The following PDE4D variants were observed in gnomAD, a reference collection of about 807,000 sequenced individuals.
PDE4D encodes 3',5'-cyclic-AMP phosphodiesterase 4D.
Under a neutral mutation model 87.4 loss-of-function variants are expected in PDE4D, and 24 were observed. That is an observed-to-expected ratio of 0.27 (90% confidence interval 0.20 to 0.39). PDE4D has a LOEUF of 0.39. Among genes scored for constraint, PDE4D ranks in the 10% least tolerant of loss-of-function variants. The pLI is 1.00. For synonymous variants in PDE4D, 384 were observed against 383.2 expected, an observed-to-expected ratio of 1.00 and a Z score of -0.02; for missense variants, 714 against 1,041.0, an observed-to-expected ratio of 0.69 and a Z score of 4.32.
intron 1 of PDE4D, among the ~76,000 whole-genome samples, chr5:59,527,003 A>C (rs1813272542): frequency 6.6e-6 from 1 of 152,080 alleles, no homozygotes; most frequent in Non-Finnish European, 1.5e-5. Context: ...TTAATTTTTG[A>C]CTATTACAAA....
intron 5 of PDE4D, among the ~76,000 whole-genome samples, chr5:59,089,299 T>C (rs1031171477): frequency 5.1e-5 from 1 of 19,568 alleles, no homozygotes; most frequent in African/African-American, 7.1e-4. Context: ...ACTGATTTCA[T>C]TCAAGATAAG....
At chr5:59,512,808 C>T (rs934744784) in intron 1 of PDE4D, among the ~76,000 whole-genome samples, 1 of 151,992 alleles carries the variant, frequency 6.6e-6, no homozygotes, top group Non-Finnish European at 1.5e-5. Flanking sequence ...AATCTTATCA[C>T]AGAATAGCAA....
At chr5:59,803,558 G>A (rs370408707) in intron 1 of PDE4D, among the ~76,000 whole-genome samples, 54 of 152,074 alleles carry the variant, frequency 3.6e-4, no homozygotes, top group African/African-American at 1.2e-3. Flanking sequence ...CTTGGCCTCC[G>A]AAAGTGCTGG....
At chr5:59,714,520 C>A (rs1377896210) in intron 1 of PDE4D, among the ~76,000 whole-genome samples, 1 of 152,218 alleles carries the variant, frequency 6.6e-6, no homozygotes, top group East Asian at 1.9e-4. Context: ...AACACCAGCG[C>A]TGATATATTC....
intron 6 of PDE4D, among the ~76,000 whole-genome samples, chr5:59,021,518 A>G (rs1580344068): frequency 6.6e-6 from 1 of 152,096 alleles, no homozygotes; most frequent in East Asian, 1.9e-4. Context: ...TCCATTCCTC[A>G]TCCCTCCTAA....
At chr5:59,078,077 CTCCT>C (rs1399822503) in intron 5 of PDE4D, among the ~76,000 whole-genome samples, 1 of 152,118 alleles carries the variant, frequency 6.6e-6, no homozygotes, top group Non-Finnish European at 1.5e-5. Flanking sequence ...ATCCATCTCC[CTCCT>C]TGTTGTTTCT....
At chr5:59,535,066 T>G (rs1307470331) in intron 1 of PDE4D, among the ~76,000 whole-genome samples, 1 of 79,410 alleles carries the variant, frequency 1.3e-5, no homozygotes, top group Non-Finnish European at 2.8e-5. Flanking sequence ...GATTGGTGTG[T>G]GTGTGTGTGT....
At chr5:60,248,321 T>G (rs1251285300) in intron 1 of PDE4D, among the ~76,000 whole-genome samples, 1 of 151,936 alleles carries the variant, frequency 6.6e-6, no homozygotes, top group East Asian at 1.9e-4. Context: ...CAGAGGGACC[T>G]GAAGGGAGCG....
chr5:59,713,154 C>T (rs536836653), intron 1 of PDE4D, among the ~76,000 whole-genome samples: 2 of 152,240 alleles, frequency 1.3e-5, no homozygotes, highest in South Asian at 4.1e-4. Flanking sequence ...AGAAGATAGG[C>T]AACTTTGCTA....
intron 1 of PDE4D, among the ~76,000 whole-genome samples, chr5:59,339,075 T>C (rs1778250839): frequency 6.6e-6 from 1 of 152,164 alleles, no homozygotes; most frequent in African/African-American, 2.4e-5. Flanking sequence ...GAACTGTAGC[T>C]TCAACTAGAA....
intron 5 of PDE4D, among the ~76,000 whole-genome samples, chr5:59,152,923 G>A (rs1293569406): frequency 2.0e-5 from 3 of 152,054 alleles, no homozygotes; most frequent in Non-Finnish European, 4.4e-5. Context: ...AAAGCACTGT[G>A]GAGTTGTTCT....
chr5:60,053,269 C>A (rs1770401413), intron 2 of PDE4D, among the ~76,000 whole-genome samples: 1 of 152,188 alleles, frequency 6.6e-6, no homozygotes, highest in Non-Finnish European at 1.5e-5. Flanking sequence ...CTGGAGGCAT[C>A]ATGCTACCTG....
chr5:59,814,095 T>C (rs539194833), intron 1 of PDE4D, among the ~76,000 whole-genome samples: 2 of 152,330 alleles, frequency 1.3e-5, no homozygotes, highest in African/African-American at 4.8e-5. Flanking sequence ...ATATGGTTGG[T>C]GACACTTTTT....
intron 5 of PDE4D, among the ~76,000 whole-genome samples, chr5:59,170,453 T>C (rs550014819): frequency 2.0e-5 from 3 of 152,340 alleles, no homozygotes; most frequent in Admixed American, 6.5e-5. Context: ...GGAACCATAA[T>C]ATTGAAATAT....
At chr5:60,317,325 G>GCT (rs1464592603) in intron 1 of PDE4D, among the ~76,000 whole-genome samples, 2 of 152,194 alleles carry the variant, frequency 1.3e-5, no homozygotes, top group African/African-American at 4.8e-5. Flanking sequence ...TGTGGAATCA[G>GCT]TGGTGATATC....
At chr5:60,398,265 C>G (rs1335396891) in intron 1 of PDE4D, among the ~76,000 whole-genome samples, 1 of 152,186 alleles carries the variant, frequency 6.6e-6, no homozygotes, top group Admixed American at 6.5e-5. Flanking sequence ...ATCCACCACT[C>G]ACACAACACA....
chr5:59,428,015 T>G (rs1421265272), intron 1 of PDE4D, among the ~76,000 whole-genome samples: 1 of 152,160 alleles, frequency 6.6e-6, no homozygotes, highest in Non-Finnish European at 1.5e-5. Context: ...GGGTTGTCAT[T>G]CTCGTCAACA....
intron 1 of PDE4D, among the ~76,000 whole-genome samples, chr5:60,502,981 C>A (rs991139244): frequency 2.0e-5 from 3 of 152,142 alleles, no homozygotes; most frequent in African/African-American, 7.2e-5. Context: ...ATTTTTAGAA[C>A]CTTACAACAA....
At chr5:59,615,565 G>A (rs139414380) in intron 1 of PDE4D, among the ~76,000 whole-genome samples, 3 of 152,322 alleles carry the variant, frequency 2.0e-5, no homozygotes, top group Admixed American at 6.5e-5. Flanking sequence ...GACACAGTCA[G>A]CACATTCAAA....
Sources: gnomAD v4.1 joint callset for allele counts (sites outside exome capture counted in the v4.1 genomes callset) on GRCh38, gnomAD v4.1.1 for gene constraint, MANE v1.5 for transcripts, NCBI Gene and HGNC (gene_info 2026-07-23, HGNC 2026-07-21) for gene names.